CDK14: variants seen among roughly 807,000 people sequenced by gnomAD.
The protein encoded by CDK14 is cyclin dependent kinase 14.
Under a neutral mutation model 60.7 loss-of-function variants are expected in CDK14, and 34 were observed. That is an observed-to-expected ratio of 0.56 (90% CI 0.43 to 0.75). CDK14 has a LOEUF of 0.75. CDK14 is among the 30% of genes least tolerant of loss of function. The pLI is 0.00. For synonymous variants in CDK14, 197 were observed against 203.7 expected (o/e 0.97, Z 0.28); for missense variants, 482 against 564.1 (o/e 0.85, Z 1.47).
At chr7:90,874,139 G>T (rs918299967) in intron 6 of CDK14, among the ~76,000 whole-genome samples, 3 of 152,108 alleles carry the variant, frequency 2.0e-5, no homozygotes, top group African/African-American at 4.8e-5. Context: ...TCTTCCCTGA[G>T]CTGGAGCTCT....
chr7:90,805,464 G>C (rs1788788836), intron 5 of CDK14, among the ~76,000 whole-genome samples: 1 of 151,838 alleles, frequency 6.6e-6, no homozygotes, highest in Admixed American at 6.6e-5. Context: ...AGCCATATTT[G>C]TGTATACTAG....
intron 4 of CDK14, among the ~76,000 whole-genome samples, chr7:90,752,789 C>T (rs899438319): frequency 3.9e-4 from 60 of 152,112 alleles, no homozygotes; most frequent in African/African-American, 1.4e-3. Context: ...CAAGTTAACA[C>T]AATCAGAAAT....
chr7:90,939,401 C>T (rs758027357), intron 8 of CDK14, among the ~76,000 whole-genome samples: 1 of 152,156 alleles, frequency 6.6e-6, no homozygotes, highest in Non-Finnish European at 1.5e-5. Flanking sequence ...CTCTTTATGG[C>T]AGTCTTCTGT....
At chr7:90,682,269 T>A (rs1449618308) in intron 2 of CDK14, among the ~76,000 whole-genome samples, 1 of 152,208 alleles carries the variant, frequency 6.6e-6, no homozygotes, top group East Asian at 1.9e-4. Flanking sequence ...AAAAAAAGAC[T>A]TGACCTGTTT....
chr7:91,144,176 C>T (rs1248595447), intron 14 of CDK14, among the ~76,000 whole-genome samples: 1 of 152,128 alleles, frequency 6.6e-6, no homozygotes, highest in Non-Finnish European at 1.5e-5. Flanking sequence ...ACCCTAAAGG[C>T]CCCATTTAAA....
At chr7:90,921,245 C>T (rs1348909298) in intron 8 of CDK14, among the ~76,000 whole-genome samples, 1 of 152,120 alleles carries the variant, frequency 6.6e-6, no homozygotes, top group Non-Finnish European at 1.5e-5. Context: ...AACTTCTTTC[C>T]ACTAGAGGCT....
chr7:90,700,796 C>T (rs1159281474), intron 2 of CDK14, among the ~76,000 whole-genome samples: 1 of 152,156 alleles, frequency 6.6e-6, no homozygotes, highest in African/African-American at 2.4e-5. Flanking sequence ...CTTGAACTCC[C>T]ATAGTATTTT....
At chr7:91,142,464 C>G (rs1430467011) in intron 14 of CDK14, among the ~76,000 whole-genome samples, 1 of 152,188 alleles carries the variant, frequency 6.6e-6, no homozygotes, top group Non-Finnish European at 1.5e-5. Flanking sequence ...GTAGCCATGT[C>G]TCTGTTGTCC....
chr7:91,192,747 GTATTAA>G (rs1403463263), intron 14 of CDK14, among the ~76,000 whole-genome samples: 2 of 152,032 alleles, frequency 1.3e-5, no homozygotes, highest in African/African-American at 4.8e-5. Context: ...CTTTAATCCT[GTATTAA>G]TATTAATACA....
At chr7:90,725,596 G>A (rs1283527769) in intron 2 of CDK14, among the ~76,000 whole-genome samples, 1 of 152,150 alleles carries the variant, frequency 6.6e-6, no homozygotes, top group Non-Finnish European at 1.5e-5. Context: ...ATATAGGGAT[G>A]TGGGAACTTT....
At chr7:91,099,402 A>AAAC (rs1799095051) in intron 12 of CDK14, among the ~76,000 whole-genome samples, 2 of 152,268 alleles carry the variant, frequency 1.3e-5, no homozygotes, top group African/African-American at 4.8e-5. Flanking sequence ...AAAAAATGAG[A>AAAC]GTTGTCTGTT....
intron 11 of CDK14, among the ~76,000 whole-genome samples, chr7:91,069,824 T>C (rs947909642): frequency 6.6e-6 from 1 of 152,136 alleles, no homozygotes; most frequent in African/African-American, 2.4e-5. Flanking sequence ...TAGCACAGGG[T>C]CTTGCTCTGT....
chr7:90,900,905 AAAAG>A (rs1305845193), intron 7 of CDK14, among the ~76,000 whole-genome samples: 19 of 152,180 alleles, frequency 1.2e-4, no homozygotes, highest in African/African-American at 4.1e-4. Flanking sequence ...GTTGATGAAA[AAAAG>A]AAAACCTCTT....
chr7:91,171,424 GTGT>G (rs1198617598), intron 14 of CDK14, among the ~76,000 whole-genome samples: 1 of 152,130 alleles, frequency 6.6e-6, no homozygotes, highest in African/African-American at 2.4e-5. Context: ...GCTATGACTA[GTGT>G]TGTTATATGA....
rs112066860 is a variant in CDK14 at position 91,112,822 on chromosome 7, GGTGTGTGTGT to G, written c.1294+156_1294+165del. 9 of 688,508 alleles carry G rather than the reference GGTGTGTGTGT, an allele frequency of 1.3e-5. No individual in the cohort carries two copies. In the East Asian group the frequency reaches 1.8e-4, roughly 14 times the overall value. The allele number at this position is 688,508 out of a possible 1,614,324, so 42.6% of individuals were successfully genotyped here. ...AATGTATGTTTGTATGTGCATTACA[GGTGTGTGTGT>G]GTGTGTGTGTGTGTATGTGTGGAGA... On this transcript the variant is annotated intron_variant, in intron 13 of 14. Coordinates refer to ENST00000380050, the MANE Select transcript of CDK14 (RefSeq NM_001287135.2).
intron 6 of CDK14, among the ~76,000 whole-genome samples, chr7:90,863,916 C>T (rs975335936): frequency 2.0e-5 from 3 of 152,066 alleles, no homozygotes; most frequent in Non-Finnish European, 4.4e-5. Flanking sequence ...AGCACTACTT[C>T]AGCATTTAAC....
At chr7:91,160,663 A>AT (rs1467828345) in intron 14 of CDK14, among the ~76,000 whole-genome samples, 3 of 152,050 alleles carry the variant, frequency 2.0e-5, no homozygotes, top group Non-Finnish European at 4.4e-5. Flanking sequence ...TACTATATAT[A>AT]TTTTTAAAGA....
At chr7:90,969,797 G>C (rs1478151117) in intron 9 of CDK14, among the ~76,000 whole-genome samples, 1 of 151,510 alleles carries the variant, frequency 6.6e-6, no homozygotes, top group Non-Finnish European at 1.5e-5. Context: ...TTTTCTTACA[G>C]TAGTCCTCGG....
intron 2 of CDK14, among the ~76,000 whole-genome samples, chr7:90,656,745 C>T (rs1800758888): frequency 6.6e-6 from 1 of 152,146 alleles, no homozygotes; most frequent in South Asian, 2.1e-4. Flanking sequence ...GGAAGCATTC[C>T]AGTCTGCATT....
Sources: gnomAD v4.1 joint callset for allele counts (sites outside exome capture counted in the v4.1 genomes callset) on GRCh38, gnomAD v4.1.1 for gene constraint, MANE v1.5 for transcripts, NCBI Gene and HGNC (gene_info 2026-07-23, HGNC 2026-07-21) for gene names.